Variants in PALLD observed in about 807,000 individuals in gnomAD.
PALLD encodes the protein palladin.
A neutral mutation model predicts 123.5 loss-of-function variants in PALLD; 61 were observed. The observed-to-expected ratio is 0.49, with a 90% CI of 0.40 to 0.61. PALLD has a LOEUF of 0.61. PALLD is among the 20% of genes least tolerant of loss of function. The pLI is 0.00. For missense variants in PALLD, 1,273 were observed against 1,377.0 expected, an observed-to-expected ratio of 0.92 and a Z score of 1.20; for synonymous variants, 465 against 496.4, an observed-to-expected ratio of 0.94 and a Z score of 0.84.
At chr4:168,499,273 T>A (rs11356013) in intron 1 of PALLD, among the ~76,000 whole-genome samples, 6,938 of 20,896 alleles carry the variant, frequency 0.33, 594 homozygotes, top group African/African-American at 0.44. Flanking sequence ...GGAGGGAGGA[T>A]GGGAGGGAGG....
intron 2 of PALLD, among the ~76,000 whole-genome samples, chr4:168,517,220 T>C (rs1281108767): frequency 1.3e-5 from 2 of 152,180 alleles, no homozygotes; most frequent in Non-Finnish European, 2.9e-5. Context: ...TCCTGTTTTA[T>C]CTACAAGTAG....
intron 2 of PALLD, among the ~76,000 whole-genome samples, chr4:168,618,749 C>T (rs1368337168): frequency 6.6e-6 from 1 of 152,194 alleles, no homozygotes; most frequent in African/African-American, 2.4e-5. Context: ...CACTGCTGCC[C>T]AGCCACAAGA....
intron 2 of PALLD, among the ~76,000 whole-genome samples, chr4:168,628,691 C>G (rs1346693409): frequency 6.6e-6 from 1 of 152,180 alleles, no homozygotes; most frequent in African/African-American, 2.4e-5. Flanking sequence ...CACTGACATC[C>G]CCAACCCCCA....
chr4:168,588,450 C>CT (rs1771067105), intron 2 of PALLD, among the ~76,000 whole-genome samples: 1 of 152,012 alleles, frequency 6.6e-6, no homozygotes. Flanking sequence ...GTCACCCAGG[C>CT]TGGAGTGCAG....
intron 2 of PALLD, among the ~76,000 whole-genome samples, chr4:168,546,809 T>C (rs1561232598): frequency 6.6e-6 from 1 of 152,182 alleles, no homozygotes; most frequent in Non-Finnish European, 1.5e-5. Context: ...CCTCTCTTAT[T>C]TCCTGAACCT....
chr4:168,614,309 G>T (rs1774011808), intron 2 of PALLD, among the ~76,000 whole-genome samples: 2 of 152,110 alleles, frequency 1.3e-5, no homozygotes, highest in Non-Finnish European at 2.9e-5. Flanking sequence ...TTAAAGGAAG[G>T]CCTATGTCAG....
intron 2 of PALLD, among the ~76,000 whole-genome samples, chr4:168,634,433 A>G (rs563449053): frequency 6.6e-6 from 1 of 152,300 alleles, no homozygotes; most frequent in South Asian, 2.1e-4. Context: ...TTTTCGTAAG[A>G]AAAGCTGTTC....
chr4:168,761,703 G>A (rs1732959659), intron 10 of PALLD, among the ~76,000 whole-genome samples: 1 of 128,024 alleles, frequency 7.8e-6, no homozygotes, highest in African/African-American at 3.0e-5. Flanking sequence ...GTAGAGACGG[G>A]GTTTCACCAT....
chr4:168,634,581 T>G (rs543432632), intron 2 of PALLD, among the ~76,000 whole-genome samples: 127 of 152,224 alleles, frequency 8.3e-4, no homozygotes, highest in Non-Finnish European at 1.5e-3. Context: ...CTGGGGTCTG[T>G]GTGCCTGAGC....
At chr4:168,791,795 A>G (rs1737563577) in intron 10 of PALLD, among the ~76,000 whole-genome samples, 1 of 152,214 alleles carries the variant, frequency 6.6e-6, no homozygotes, top group African/African-American at 2.4e-5. Flanking sequence ...TGCCTTCTAG[A>G]GAACAGGATC....
At position 168,560,574 on chromosome 4, in the gene PALLD, T is replaced by C. The variant is rs542221513; in HGVS notation, c.908+48162T>C. ...TTAGTAATCCAAATGAATTAAATGATCCTAAAATGATTTAAGTGATTCATA... is the reference window on the plus strand; with the variant it reads ...TTAGTAATCCAAATGAATTAAATGACCCTAAAATGATTTAAGTGATTCATA... On this transcript the variant is annotated intron_variant, in intron 2 of 21. Transcript: ENST00000505667. 3.4e-4 allele frequency among the ~76,000 whole-genome samples: 52 copies of C among 152,328 alleles called. No homozygotes were observed. In the South Asian group the frequency reaches 0.011, roughly 32 times the overall value.
At chr4:168,577,717 G>C (rs1017374357) in intron 2 of PALLD, among the ~76,000 whole-genome samples, 2 of 148,086 alleles carry the variant, frequency 1.4e-5, no homozygotes, top group African/African-American at 2.7e-5. Context: ...GAGGACCCAA[G>C]AGTAGAGAGG....
chr4:168,864,207 G>GTTCATC (rs1187626312), intron 10 of PALLD, among the ~76,000 whole-genome samples: 1 of 152,192 alleles, frequency 6.6e-6, no homozygotes, highest in African/African-American at 2.4e-5. Flanking sequence ...CTAGGCAATG[G>GTTCATC]TTCATCTTCT....
At chr4:168,882,128 T>C (rs1438656022) in intron 10 of PALLD, among the ~76,000 whole-genome samples, 5 of 152,250 alleles carry the variant, frequency 3.3e-5, no homozygotes, top group African/African-American at 1.2e-4. Context: ...AAGAAGAGCA[T>C]GTGTCAATAA....
rs117224583 is a variant in PALLD at position 168,556,497 on chromosome 4, T to A, written c.908+44085T>A. Among the ~76,000 whole-genome samples the A allele has an allele frequency of 6.2e-4, 95 of 152,316 alleles. 1 individual carries two copies. In the East Asian group the frequency reaches 0.017, roughly 27 times the overall value. On this transcript the variant is annotated intron_variant, in intron 2 of 21. Transcript: ENST00000505667. ...CCATTCACATATATTTTTCATTTTT[T>A]AAAAATGGGCTTTCCGGAAGTGAAA...
chr4:168,584,509 G>A (rs184217829), intron 2 of PALLD, among the ~76,000 whole-genome samples: 2 of 152,134 alleles, frequency 1.3e-5, no homozygotes, highest in Admixed American at 6.6e-5. Flanking sequence ...TCCTTCATTA[G>A]AGTATGTGTT....
chr4:168,689,918 C>A (rs568555297), intron 6 of PALLD, among the ~76,000 whole-genome samples: 61 of 152,230 alleles, frequency 4.0e-4, no homozygotes, highest in Non-Finnish European at 8.1e-4. Context: ...ATCTATAAAA[C>A]CAAATTAATT....
chr4:168,927,570 C>T lies in PALLD; in HGVS notation c.*1390C>T, dbSNP rs1762718380. On this transcript the variant is annotated 3_prime_UTR_variant, in exon 22 of 22. Coordinates refer to ENST00000505667, the MANE Select transcript of PALLD (RefSeq NM_001166108.2). Reference sequence around the variant, plus strand: ...AAGGAAGTGGAGACATAAGGAGAGACAAAAACAGGTTTGTGCCATAAAGTA... The same window carrying T: ...AAGGAAGTGGAGACATAAGGAGAGATAAAAACAGGTTTGTGCCATAAAGTA... 2 of 230,300 alleles carry T rather than the reference C, an allele frequency of 8.7e-6. 1 individual carries two copies. The highest frequency in any genetic ancestry group is 2.6e-3 in the Middle Eastern group (2 of 774). 14.3% of individuals were successfully genotyped at this position (230,300 alleles called of 1,614,324 possible). A position where few individuals can be genotyped will look rare whatever the true frequency, so the allele number is the denominator to read the frequency against.
At chr4:168,923,586 C>CTT (rs11403394) in intron 18 of PALLD, among the ~76,000 whole-genome samples, 198 of 148,936 alleles carry the variant, frequency 1.3e-3, no homozygotes, top group Middle Eastern at 3.5e-3. Flanking sequence ...CTAAAGTTGT[C>CTT]TTTTTTTTTT....
Sources: allele counts gnomAD v4.1 joint callset (sites outside exome capture counted in the v4.1 genomes callset), GRCh38; gene constraint gnomAD v4.1.1; transcripts MANE v1.5; gene names NCBI Gene and HGNC (gene_info 2026-07-23, HGNC 2026-07-21).